Variants in FAM89A observed in about 807,000 individuals in gnomAD.
The protein encoded by FAM89A is family with sequence similarity 89 member A, also known as protein FAM89A.
In FAM89A, 10 loss-of-function variants were observed where a neutral mutation model predicts 7.1. That is an observed-to-expected ratio of 1.40 (90% CI 0.86 to 2.38). FAM89A has a LOEUF of 2.38. Among genes scored for constraint, FAM89A ranks in the 30% most tolerant of loss-of-function variants. The pLI is 0.00. For missense variants in FAM89A, 276 were observed against 262.8 expected, an observed-to-expected ratio of 1.05 and a Z score of -0.35; for synonymous variants, 157 against 129.3, an observed-to-expected ratio of 1.21 and a Z score of -1.45.
Position 231,019,773 on chromosome 1 carries a change from G to A in FAM89A, c.*90C>T, listed in dbSNP as rs907888807. On this transcript the variant is annotated 3_prime_UTR_variant, in exon 2 of 2. Coordinates refer to ENST00000366654, the MANE Select transcript of FAM89A (RefSeq NM_198552.3). Reference sequence around the variant, plus strand: ...CCTGTGCCCGAGGACCGTCCACAACGGAGGTGCTTTCTTGCAAGAGAAGCA... The same window carrying A: ...CCTGTGCCCGAGGACCGTCCACAACAGAGGTGCTTTCTTGCAAGAGAAGCA... 38 of 1,452,170 alleles carry A rather than the reference G, an allele frequency of 2.6e-5. No homozygotes were observed. The highest frequency in any genetic ancestry group is 2.5e-4 in the Middle Eastern group (1 of 4,000). 90.0% of individuals were successfully genotyped at this position (1,452,170 alleles called of 1,614,324 possible).
chr1:231,035,789 G>A (rs538883829), intron 1 of FAM89A, among the ~76,000 whole-genome samples: 1 of 152,126 alleles, frequency 6.6e-6, no homozygotes, highest in Non-Finnish European at 1.5e-5. Context: ...TATAGAACGG[G>A]GTCTGCAGTA....
chr1:231,039,387 CG>C (rs1173049720), intron 1 of FAM89A, among the ~76,000 whole-genome samples: 3 of 152,226 alleles, frequency 2.0e-5, no homozygotes, highest in African/African-American at 7.2e-5. Flanking sequence ...ATCTGTGCGC[CG>C]GGGCCATCCC....
At chr1:231,029,342 A>G (rs1388959434) in intron 1 of FAM89A, among the ~76,000 whole-genome samples, 3 of 151,920 alleles carry the variant, frequency 2.0e-5, no homozygotes, top group Non-Finnish European at 4.4e-5. Flanking sequence ...TATTTTAAAA[A>G]TTGGCTGGGT....
chr1:231,034,756 G>C (rs977668538), intron 1 of FAM89A, among the ~76,000 whole-genome samples: 1 of 96,660 alleles, frequency 1.0e-5, no homozygotes, highest in East Asian at 3.3e-4. Flanking sequence ...TGGGCAACAA[G>C]ATAGAAACTC....
intron 1 of FAM89A, 92 bp from the exon 2 acceptor site, chr1:231,020,218 G>C (rs1020387921): frequency 2.8e-5 from 37 of 1,300,994 alleles, no homozygotes; most frequent in Non-Finnish European, 3.7e-5. Context: ...GCGCCTGCCA[G>C]CACATTCCTT....
chr1:231,034,412 T>C (rs1197940872), intron 1 of FAM89A, among the ~76,000 whole-genome samples: 1 of 152,206 alleles, frequency 6.6e-6, no homozygotes, highest in Non-Finnish European at 1.5e-5. Context: ...ACATAGTTTA[T>C]TAACACCAAA....
Position 231,033,486 on chromosome 1 carries a change from C to T in FAM89A, c.291+6435G>A, listed in dbSNP as rs369744121. 1.8e-3 allele frequency among the ~76,000 whole-genome samples: 270 copies of T among 152,292 alleles called. 1 individual carries two copies. The highest frequency in any genetic ancestry group is 6.1e-3 in the African/African-American group (255 of 41,564). ...CCCTTCTTGAACCCTCCCTAAACAT[C>T]CTTGCCCACCTGGCCTCAGGGGGCT... On this transcript the variant is annotated intron_variant, in intron 1 of 1. Transcript: ENST00000366654.
rs533823579 is a variant in FAM89A at position 231,021,776 on chromosome 1, C to A, written c.292-1650G>T. 1.2e-5 allele frequency: 19 copies of A among 1,602,730 alleles called. No individual in the cohort carries two copies. The African/African-American group carries it at 2.0e-4, about 17-fold the overall frequency. Reference sequence around the variant, plus strand: ...TGACCTCACTTGTGAATCTTTAGAGCCTGTGGTGGTTGATCTGACTCACAA... The same window carrying A: ...TGACCTCACTTGTGAATCTTTAGAGACTGTGGTGGTTGATCTGACTCACAA... On this transcript the variant is annotated intron_variant, in intron 1 of 1. Transcript: ENST00000366654.
At chr1:231,033,726 T>C (rs1369268326) in intron 1 of FAM89A, among the ~76,000 whole-genome samples, 1 of 152,200 alleles carries the variant, frequency 6.6e-6, no homozygotes, top group African/African-American at 2.4e-5. Context: ...TATTTATGAG[T>C]TAGGAAAAAT....
intron 1 of FAM89A, among the ~76,000 whole-genome samples, chr1:231,036,408 T>G (rs1680155751): frequency 6.6e-6 from 1 of 152,130 alleles, no homozygotes; most frequent in Admixed American, 6.5e-5. Flanking sequence ...CTAAAGATAT[T>G]CTCTGATGTA....
Position 231,040,134 on chromosome 1 carries a change from C to T in FAM89A, c.78G>A (p.Pro26=). The change falls in exon 1 of 2, where the codon CCG becomes CCA. Residue 26 remains proline (P), a synonymous_variant. Coordinates refer to ENST00000366654, the MANE Select transcript of FAM89A (RefSeq NM_198552.3). ...VRGLRVDGLP[P]LPKSLSGLLH... is the part of the protein sequence containing the mutation. ...GCAGCCCGCTCAAGCTCTTTGGCAG[C>T]GGGGGCAGCCCGTCCACCCGCAGCC... is the stretch of plus-strand genomic sequence containing the variant. 7.4e-7 allele frequency: 1 copy of T among 1,350,816 alleles called. No homozygotes were observed. The allele number at this position is 1,350,816 out of a possible 1,614,324, so 83.7% of individuals were successfully genotyped here.
At chr1:231,024,565 C>A (rs1679931510) in intron 1 of FAM89A, among the ~76,000 whole-genome samples, 1 of 134,104 alleles carries the variant, frequency 7.5e-6, no homozygotes, top group Admixed American at 8.3e-5. Context: ...GAGATGGAGT[C>A]TTGCTTTGTC....
intron 1 of FAM89A, chr1:231,021,639 C>G: frequency 6.4e-7 from 1 of 1,550,600 alleles, no homozygotes; most frequent in Non-Finnish European, 8.9e-7. Context: ...CGAGGTGGAG[C>G]AATAAATTCT....
rs1680230306 is a variant in FAM89A at position 231,039,936 on chromosome 1, C to A, written c.276G>T (p.Leu92=). The part of the protein sequence containing the change: ...KPPNLDAALA[L]LRKEMVGLRQ... ...CCCCACTCACCATCTCTTTGCGGAG[C>A]AGCGCCAGAGCGGCGTCCAGGTTGG... Residue 92 remains leucine, a synonymous_variant, in exon 1 of 2, where the codon CTG becomes CTT. Coordinates refer to ENST00000366654, the MANE Select transcript of FAM89A (RefSeq NM_198552.3). The A allele has an allele frequency of 7.4e-7, 1 of 1,348,940 alleles. No individual in the cohort carries two copies. Among genetic ancestry groups the A allele is most frequent in the Non-Finnish European group, 9.5e-7 (1 of 1,058,046 alleles). 83.6% of individuals were successfully genotyped at this position (1,348,940 alleles called of 1,614,324 possible).
chr1:231,024,091 G>A (rs1352811282), intron 1 of FAM89A, among the ~76,000 whole-genome samples: 3 of 151,764 alleles, frequency 2.0e-5, no homozygotes, highest in Non-Finnish European at 4.4e-5. Context: ...TTTTTTCAAT[G>A]TACATAGTTC....
chr1:231,024,202 CAAAA>C (rs34183379), intron 1 of FAM89A, among the ~76,000 whole-genome samples: 1 of 145,018 alleles, frequency 6.9e-6, no homozygotes, highest in Non-Finnish European at 1.5e-5. Context: ...TAATTTGAAC[CAAAA>C]AAAAAAAAAG....
chr1:231,024,562 A>G (rs1227827587), intron 1 of FAM89A, among the ~76,000 whole-genome samples: 1 of 145,736 alleles, frequency 6.9e-6, no homozygotes, highest in Non-Finnish European at 1.5e-5. Context: ...TTAGAGATGG[A>G]GTCTTGCTTT....
intron 1 of FAM89A, among the ~76,000 whole-genome samples, chr1:231,021,333 T>C (rs1017386862): frequency 1.3e-5 from 2 of 152,274 alleles, no homozygotes; most frequent in Non-Finnish European, 2.9e-5. Context: ...AACAGGATTC[T>C]AATGCCTCCC....
chr1:231,028,281 G>A (rs2103073300), intron 1 of FAM89A, among the ~76,000 whole-genome samples: 2 of 152,270 alleles, frequency 1.3e-5, no homozygotes, highest in Middle Eastern at 6.8e-3. Context: ...ATCACATCAA[G>A]GGCCAAAGAC....
Sources: allele counts gnomAD v4.1 joint callset (sites outside exome capture counted in the v4.1 genomes callset), GRCh38; gene constraint gnomAD v4.1.1; transcripts MANE v1.5; gene names NCBI Gene and HGNC (gene_info 2026-07-23, HGNC 2026-07-21).